EIF3J: variants seen among roughly 807,000 people sequenced by gnomAD.
EIF3J encodes eukaryotic translation initiation factor 3 subunit J, also known as eukaryotic translation initiation factor 3, subunit 1 (alpha, 35kD).
In EIF3J, 15 loss-of-function variants were observed where a neutral mutation model predicts 39.0. The observed-to-expected ratio is 0.38, with a 90% CI of 0.26 to 0.59. The LOEUF (loss-of-function observed/expected upper bound fraction) is 0.59, where lower values mean the gene tolerates loss of function less well. EIF3J is among the 20% of genes least tolerant of loss of function. The pLI is 0.60. For synonymous variants in EIF3J, 98 were observed against 112.9 expected, an observed-to-expected ratio of 0.87 and a Z score of 0.84; for missense variants, 226 against 308.6, an observed-to-expected ratio of 0.73 and a Z score of 2.00.
At chr15:44,547,589 T>G (rs1224411905) in intron 2 of EIF3J, among the ~76,000 whole-genome samples, 1 of 151,850 alleles carries the variant, frequency 6.6e-6, no homozygotes, top group Non-Finnish European at 1.5e-5. Flanking sequence ...GTTGGGATTA[T>G]AGGTGTCTGC....
At position 44,562,327 on chromosome 15, in the gene EIF3J, T is replaced by TTAAG. The variant is rs1454886113; in HGVS notation, c.*1181_*1184dup. 3.3e-5 allele frequency: 5 copies of TTAAG among 152,636 alleles called. No individual in the cohort carries two copies. The highest frequency in any genetic ancestry group is 1.2e-4 in the African/African-American group (5 of 41,468). The allele number at this position is 152,636 out of a possible 1,614,324, so 9.5% of individuals were successfully genotyped here. On this transcript the variant is annotated 3_prime_UTR_variant, in exon 8 of 8. Transcript: ENST00000261868. ...TATTTAGATACCAAGGCCTAATTAA[T>TTAAG]TAAGTACCTATAAGAACTATTTATT... is the stretch of plus-strand genomic sequence containing the variant.
intron 4 of EIF3J, among the ~76,000 whole-genome samples, chr15:44,554,267 C>T (rs1352223881): frequency 1.3e-5 from 2 of 151,016 alleles, no homozygotes; most frequent in South Asian, 2.1e-4. Context: ...ATCCCAGCTA[C>T]TCGGGAGGCT....
chr15:44,541,969 A>G (rs183643120), intron 2 of EIF3J, among the ~76,000 whole-genome samples: 1 of 152,218 alleles, frequency 6.6e-6, no homozygotes, highest in South Asian at 2.1e-4. Context: ...TTTTCTTGTC[A>G]TGATGGATCA....
chr15:44,551,842 T>G lies in EIF3J; in HGVS notation c.294+320T>G, dbSNP rs141471835. Among the ~76,000 whole-genome samples the G allele has an allele frequency of 6.5e-3, 961 of 148,442 alleles. 11 individuals carry two copies. Among genetic ancestry groups the G allele is most frequent in the African/African-American group, 0.023 (887 of 37,988 alleles). ...TTTTTGTTGTTGTTTTTTGTTTTTT[T>G]TTTTTGGAGACGGAGTCTTGCTCTG... On this transcript the variant is annotated intron_variant, in intron 4 of 7. Transcript: ENST00000261868.
rs1212545275 is a variant in EIF3J, at chr15:44,558,227, TTTG to T, written c.571+589_571+591del. Among the ~76,000 whole-genome samples, 12 of 152,142 alleles carry T rather than the reference TTTG, an allele frequency of 7.9e-5. No individual in the cohort carries two copies. In the South Asian group the frequency reaches 1.2e-3, roughly 16 times the overall value. Reference sequence around the variant, plus strand: ...TGGTTTTGCTAGTATTTGCAGTTTTTTTGTTGTTGTTGTTTTTGTGATGGAGTC... The same window carrying T: ...TGGTTTTGCTAGTATTTGCAGTTTTTTTGTTGTTGTTTTTGTGATGGAGTC... On this transcript the variant is annotated intron_variant, in intron 6 of 7. Coordinates refer to ENST00000261868, the MANE Select transcript of EIF3J (RefSeq NM_003758.4).
intron 5 of EIF3J, 147 bp downstream of exon 5, chr15:44,554,814 G>C: frequency 2.1e-6 from 1 of 485,488 alleles, no homozygotes; most frequent in Non-Finnish European, 3.7e-6. Flanking sequence ...GTATATTTGA[G>C]ATTTCATTAC....
chr15:44,554,701 A>C, intron 5 of EIF3J, 34 bp downstream of exon 5: 1 of 1,422,412 alleles, frequency 7.0e-7, no homozygotes, highest in Non-Finnish European at 9.8e-7. Flanking sequence ...TACAGTATTA[A>C]ACTGTTACAG....
At chr15:44,555,906 T>G (rs2082140719) in intron 5 of EIF3J, among the ~76,000 whole-genome samples, 1 of 152,158 alleles carries the variant, frequency 6.6e-6, no homozygotes, top group African/African-American at 2.4e-5. Context: ...TCATCCAGGC[T>G]AGAGGACAGT....
Position 44,550,996 on chromosome 15 carries a change from GACA to G in EIF3J, c.202+68_202+70del. The G allele has an allele frequency of 1.9e-6, 3 of 1,542,742 alleles. No individual in the cohort carries two copies. In the East Asian group the frequency reaches 6.9e-5, roughly 35 times the overall value. On this transcript the variant is annotated intron_variant, in intron 3 of 7. Coordinates refer to ENST00000261868, the MANE Select transcript of EIF3J (RefSeq NM_003758.4). ...GCTGAGCATTTGTGACTTGTATTAAGACAAATGACAGAACGCTCACAAAATGGA... is the reference window on the plus strand; with the variant it reads ...GCTGAGCATTTGTGACTTGTATTAAGAATGACAGAACGCTCACAAAATGGA...
intron 2 of EIF3J, among the ~76,000 whole-genome samples, chr15:44,537,665 C>G (rs998335963): frequency 1.3e-5 from 2 of 152,232 alleles, no homozygotes; most frequent in African/African-American, 4.8e-5. Flanking sequence ...ATCCCACCCG[C>G]CGGCTGGCGA....
chr15:44,537,508 C>T, intron 2 of EIF3J, 81 bp downstream of exon 2: 1 of 1,365,350 alleles, frequency 7.3e-7, no homozygotes, highest in Admixed American at 3.4e-5. Context: ...GGGTCGCTGC[C>T]GGGGCCTGCG....
Position 44,554,131 on chromosome 15 carries a change from C to A in EIF3J, c.295-422C>A, listed in dbSNP as rs575012963. On this transcript the variant is annotated intron_variant, in intron 4 of 7. Transcript: ENST00000261868. ...GTGGCTCACACCTGTAATCCCAACA[C>A]TTTGGGAGGCTGAGATGGGCGGATC... is the stretch of plus-strand genomic sequence containing the variant. 2.0e-5 allele frequency among the ~76,000 whole-genome samples: 3 copies of A among 152,152 alleles called. No homozygotes were observed. In the South Asian group the frequency reaches 6.2e-4, roughly 32 times the overall value.
Position 44,537,382 on chromosome 15 carries a change from C to A in EIF3J, c.102C>A (p.Ala34=). The change falls in exon 2 of 8, where the codon GCC becomes GCA. Residue 34 remains alanine (A), a synonymous_variant. Transcript: ENST00000261868. ...PVRKVGGGGT[A]GGDRWEGEDE... The stretch of plus-strand genomic sequence containing the variant: ...GGAAGGTGGGGGGCGGCGGCACTGC[C>A]GGCGGGGACCGCTGGGAAGGCGAGG... The A allele has an allele frequency of 1.9e-6, 3 of 1,566,500 alleles. No homozygotes were observed. Among genetic ancestry groups the A allele is most frequent in the Non-Finnish European group, 2.6e-6 (3 of 1,155,406 alleles).
At position 44,553,440 on chromosome 15, in the gene EIF3J, G is replaced by A. The variant is rs141450165; in HGVS notation, c.295-1113G>A. Among the ~76,000 whole-genome samples, 176 of 151,548 alleles carry A rather than the reference G, an allele frequency of 1.2e-3. No homozygotes were observed. The East Asian group carries it at 0.026, about 23-fold the overall frequency. On this transcript the variant is annotated intron_variant, in intron 4 of 7. Transcript: ENST00000261868. Reference sequence around the variant, plus strand: ...TCAGGAGGCGGAGCTTGCAGTGAGCGGAGATCGCACCACTGCACTCCAGCC... The same window carrying A: ...TCAGGAGGCGGAGCTTGCAGTGAGCAGAGATCGCACCACTGCACTCCAGCC...
rs1388454393 is a variant in EIF3J, at chr15:44,540,251, ATATATATATATATATATT to A, written c.147+2826_147+2843del. On this transcript the variant is annotated intron_variant, in intron 2 of 7. Coordinates refer to ENST00000261868, the MANE Select transcript of EIF3J (RefSeq NM_003758.4). ...CGCGCCTGGCTATATATATATATATATATATATATATATATATTTTTTTTTTTTTTTTGTAGATACAGG... is the reference window on the plus strand; with the variant it reads ...CGCGCCTGGCTATATATATATATATATTTTTTTTTTTTTTGTAGATACAGG... Among the ~76,000 whole-genome samples the A allele has an allele frequency of 4.0e-3, 193 of 48,292 alleles. 1 individual carries two copies. The highest frequency in any genetic ancestry group is 0.011 in the African/African-American group (179 of 16,030). The allele number at this position is 48,292 out of a possible 152,430, so 31.7% of individuals were successfully genotyped here.
At chr15:44,547,471 A>C (rs1320510866) in intron 2 of EIF3J, among the ~76,000 whole-genome samples, 6 of 119,222 alleles carry the variant, frequency 5.0e-5, no homozygotes, top group African/African-American at 1.6e-4. Flanking sequence ...TTTTGAGACG[A>C]AGTCTCGCCG....
chr15:44,559,516 G>A (rs1443609754), intron 6 of EIF3J, among the ~76,000 whole-genome samples: 1 of 150,342 alleles, frequency 6.7e-6, no homozygotes, highest in Non-Finnish European at 1.5e-5. Context: ...GAGCATCCTG[G>A]CTAACACAGT....
chr15:44,547,212 C>T (rs1383890281), intron 2 of EIF3J, among the ~76,000 whole-genome samples: 2 of 152,038 alleles, frequency 1.3e-5, no homozygotes, highest in Admixed American at 6.5e-5. Context: ...GGCGCGATCT[C>T]GGCTCACCAC....
chr15:44,540,267 A>ATTT (rs71111863), intron 2 of EIF3J, among the ~76,000 whole-genome samples: 1 of 61,424 alleles, frequency 1.6e-5, no homozygotes, highest in African/African-American at 6.9e-5. Flanking sequence ...ATATATATAT[A>ATTT]TTTTTTTTTT....
Sources: allele counts gnomAD v4.1 joint callset (sites outside exome capture counted in the v4.1 genomes callset), GRCh38; gene constraint gnomAD v4.1.1; transcripts MANE v1.5; gene names NCBI Gene and HGNC (gene_info 2026-07-23, HGNC 2026-07-21).